Variants in LRFN5 observed in about 807,000 individuals in gnomAD.
The protein encoded by LRFN5 is leucine rich repeat and fibronectin type III domain containing 5.
Under a neutral mutation model 45.6 loss-of-function variants are expected in LRFN5, and 24 were observed. That is an observed-to-expected ratio of 0.53 (90% CI 0.38 to 0.74). LRFN5 has a LOEUF of 0.74. LRFN5 is among the 30% of genes least tolerant of loss of function. The pLI, the probability that LRFN5 is intolerant of heterozygous loss-of-function variation, is 0.00. For synonymous variants in LRFN5, 340 were observed against 313.8 expected, an observed-to-expected ratio of 1.08 and a Z score of -0.88; for missense variants, 776 against 861.5, an observed-to-expected ratio of 0.90 and a Z score of 1.24.
At chr14:41,610,248 C>T (rs1887692772) in intron 1 of LRFN5, 1 of 152,198 alleles carries the variant, frequency 6.6e-6, no homozygotes, top group African/African-American at 2.4e-5. Flanking sequence ...GCCTGCAAAA[C>T]CTTTCTCTCT....
chr14:41,735,168 T>C lies in LRFN5; in HGVS notation c.-196-31686T>C, dbSNP rs572006949. 2.6e-5 allele frequency among the ~76,000 whole-genome samples: 4 copies of C among 152,346 alleles called. 1 individual carries two copies. Among genetic ancestry groups the C allele is most frequent in the African/African-American group, 9.6e-5 (4 of 41,594 alleles). ...TTTTATGTCACTACATTGCAATGTT[T>C]TCCTTTAGCATGAAAAACTTTAACA... is the stretch of plus-strand genomic sequence containing the variant. On this transcript the variant is annotated intron_variant, in intron 1 of 5. Coordinates refer to ENST00000298119, the MANE Select transcript of LRFN5 (RefSeq NM_152447.5).
chr14:41,654,138 G>T (rs1335536134), intron 1 of LRFN5, among the ~76,000 whole-genome samples: 1 of 151,824 alleles, frequency 6.6e-6, no homozygotes, highest in Admixed American at 6.6e-5. Context: ...CATGGCACAT[G>T]TATACATATG....
intron 1 of LRFN5, among the ~76,000 whole-genome samples, chr14:41,723,385 C>T (rs1883804875): frequency 6.6e-6 from 1 of 152,146 alleles, no homozygotes; most frequent in South Asian, 2.1e-4. Context: ...GTGGCTTGGG[C>T]TACTGAACCA....
chr14:41,811,290 C>G (rs1359995781), intron 2 of LRFN5, among the ~76,000 whole-genome samples: 1 of 151,936 alleles, frequency 6.6e-6, no homozygotes, highest in Non-Finnish European at 1.5e-5. Context: ...GTGAGCATGT[C>G]GAGAAATTAG....
intron 5 of LRFN5, among the ~76,000 whole-genome samples, chr14:41,903,131 T>A (rs1891150363): frequency 6.6e-6 from 1 of 151,562 alleles, no homozygotes; most frequent in African/African-American, 2.4e-5. Context: ...TCAATTTCAC[T>A]ATTCAGATTA....
intron 2 of LRFN5, among the ~76,000 whole-genome samples, chr14:41,768,472 T>G (rs184254332): frequency 2.0e-5 from 3 of 152,276 alleles, no homozygotes; most frequent in African/African-American, 7.2e-5. Context: ...GTACTGCTTT[T>G]GTACATAATT....
chr14:41,764,092 C>G (rs757648839), intron 1 of LRFN5, among the ~76,000 whole-genome samples: 3 of 152,036 alleles, frequency 2.0e-5, no homozygotes, highest in Non-Finnish European at 2.9e-5. Flanking sequence ...TGAATTTTCC[C>G]TCTTTGGTCA....
chr14:41,624,780 A>G (rs2138565913), intron 1 of LRFN5, among the ~76,000 whole-genome samples: 1 of 152,284 alleles, frequency 6.6e-6, no homozygotes, highest in African/African-American at 2.4e-5. Context: ...TTTTAAAATC[A>G]GTTTCTTCAC....
intron 1 of LRFN5, among the ~76,000 whole-genome samples, chr14:41,649,107 G>A (rs1446211393): frequency 6.6e-6 from 1 of 151,772 alleles, no homozygotes; most frequent in South Asian, 2.1e-4. Flanking sequence ...TGTGGCGGGC[G>A]CCTGTCATCC....
chr14:41,846,879 T>G (rs983884599), intron 2 of LRFN5, among the ~76,000 whole-genome samples: 3 of 152,148 alleles, frequency 2.0e-5, no homozygotes, highest in African/African-American at 7.2e-5. Context: ...TCACCCATAT[T>G]CTTGGTCTAT....
At chr14:41,802,265 T>A (rs1366179837) in intron 2 of LRFN5, among the ~76,000 whole-genome samples, 1 of 151,970 alleles carries the variant, frequency 6.6e-6, no homozygotes, top group Non-Finnish European at 1.5e-5. Context: ...CAAATGGGGA[T>A]TTATAGCCGA....
intron 1 of LRFN5, among the ~76,000 whole-genome samples, chr14:41,732,030 A>G (rs1322888954): frequency 6.6e-6 from 1 of 152,206 alleles, no homozygotes; most frequent in African/African-American, 2.4e-5. Flanking sequence ...TATGTCTGAT[A>G]TAACTGTACT....
In LRFN5 at chr14:41,808,764, A is replaced by G. The variant is rs556402783; in HGVS notation, c.-21+41735A>G. 1.4e-3 allele frequency among the ~76,000 whole-genome samples: 207 copies of G among 152,220 alleles called. 1 individual carries two copies. Among genetic ancestry groups the G allele is most frequent in the Middle Eastern group, 3.4e-3 (1 of 294 alleles). ...ATAATGAATTAGATGTGTGTCATTT[A>G]ACATAATTCACTATTAGGATAAGCT... On this transcript the variant is annotated intron_variant, in intron 2 of 5. Transcript: ENST00000298119.
At chr14:41,750,318 A>G (rs1594672874) in intron 1 of LRFN5, among the ~76,000 whole-genome samples, 1 of 148,046 alleles carries the variant, frequency 6.8e-6, no homozygotes, top group Admixed American at 6.8e-5. Context: ...TATGTATATA[A>G]GATTTCATGT....
chr14:41,819,318 G>C (rs1350868208), intron 2 of LRFN5, among the ~76,000 whole-genome samples: 1 of 151,990 alleles, frequency 6.6e-6, no homozygotes, highest in Non-Finnish European at 1.5e-5. Context: ...CTTTTCCTTA[G>C]AGGTTATACT....
intron 2 of LRFN5, among the ~76,000 whole-genome samples, chr14:41,786,743 T>C (rs772633867): frequency 9.2e-5 from 14 of 152,076 alleles, no homozygotes; most frequent in African/African-American, 2.2e-4. Context: ...GTGACACTTA[T>C]GTTGAACTGC....
chr14:41,776,607 T>G (rs1455115646), intron 2 of LRFN5, among the ~76,000 whole-genome samples: 1 of 152,106 alleles, frequency 6.6e-6, no homozygotes, highest in African/African-American at 2.4e-5. Context: ...CCACTGAGGG[T>G]GACAGTCCTT....
chr14:41,624,429 A>G (rs1413392156), intron 1 of LRFN5, among the ~76,000 whole-genome samples: 1 of 152,112 alleles, frequency 6.6e-6, no homozygotes, highest in African/African-American at 2.4e-5. Flanking sequence ...AATTCTTTGG[A>G]GAAGAGAAAC....
At chr14:41,699,647 C>A (rs1882756666) in intron 1 of LRFN5, 1 of 152,092 alleles carries the variant, frequency 6.6e-6, no homozygotes, top group Non-Finnish European at 1.5e-5. Context: ...CCACATGCTT[C>A]ACAAATGCGT....
Sources: gnomAD v4.1 joint callset for allele counts (sites outside exome capture counted in the v4.1 genomes callset) on GRCh38, gnomAD v4.1.1 for gene constraint, MANE v1.5 for transcripts, NCBI Gene and HGNC (gene_info 2026-07-23, HGNC 2026-07-21) for gene names.